SPAG17: variants seen among roughly 807,000 people sequenced by gnomAD.
SPAG17 encodes sperm-associated antigen 17.
In SPAG17, 169 loss-of-function variants were observed where a neutral mutation model predicts 273.6. That is an observed-to-expected ratio of 0.62 (90% CI 0.55 to 0.70). The LOEUF is 0.70. Among genes scored for constraint, SPAG17 ranks in the 30% least tolerant of loss-of-function variants. SPAG17 has a pLI of 0.00. For missense variants in SPAG17, 2,557 were observed against 2,627.8 expected (o/e 0.97, Z 0.59); for synonymous variants, 825 against 873.2 (o/e 0.94, Z 0.97).
At chr1:118,046,494 A>G (rs1202428320) in intron 20 of SPAG17, among the ~76,000 whole-genome samples, 1 of 152,110 alleles carries the variant, frequency 6.6e-6, no homozygotes. Flanking sequence ...AAAATATTTC[A>G]TTAAGTTTAG....
intron 28 of SPAG17, among the ~76,000 whole-genome samples, chr1:118,016,538 A>G (rs1287803698): frequency 6.6e-6 from 1 of 152,100 alleles, no homozygotes; most frequent in African/African-American, 2.4e-5. Flanking sequence ...CTGGTTTTTA[A>G]AGCCTACCTT....
intron 28 of SPAG17, among the ~76,000 whole-genome samples, chr1:118,020,250 C>T (rs2101825117): frequency 6.6e-6 from 1 of 152,196 alleles, no homozygotes; most frequent in East Asian, 1.9e-4. Context: ...GAAACCCTGT[C>T]TCTACTAAAA....
At chr1:118,153,987 C>A (rs1383633037) in intron 1 of SPAG17, among the ~76,000 whole-genome samples, 1 of 152,274 alleles carries the variant, frequency 6.6e-6, no homozygotes, top group Non-Finnish European at 1.5e-5. Context: ...TTCTCTCAAG[C>A]GCAAAGCTCT....
chr1:118,056,830 C>G (rs1000517514), intron 18 of SPAG17, among the ~76,000 whole-genome samples: 1 of 152,124 alleles, frequency 6.6e-6, no homozygotes, highest in Non-Finnish European at 1.5e-5. Flanking sequence ...ATCTCAAACT[C>G]AACATGTCCC....
Position 118,081,087 on chromosome 1 carries a change from A to G in SPAG17, c.2209+14T>C. 7.2e-7 allele frequency: 1 copy of G among 1,395,836 alleles called. No individual in the cohort carries two copies. Among genetic ancestry groups the G allele is most frequent in the Non-Finnish European group, 1.0e-6 (1 of 990,432 alleles). The allele number at this position is 1,395,836 out of a possible 1,614,324, so 86.5% of individuals were successfully genotyped here. On this transcript the variant is annotated intron_variant, in intron 15 of 48. Transcript: ENST00000336338. ...CACACACACACACACACACACACAC[A>G]CACTTTAACTTACCCAGAGACTCAT...
chr1:118,138,035 A>G (rs371855999), intron 3 of SPAG17, among the ~76,000 whole-genome samples: 23 of 152,222 alleles, frequency 1.5e-4, no homozygotes, highest in African/African-American at 5.5e-4. Flanking sequence ...ATCTTTGACT[A>G]TTTGGGTAAG....
At position 117,994,442 on chromosome 1, in the gene SPAG17, G is replaced by A. The variant is rs1657438484; in HGVS notation, c.5142C>T (p.Leu1714=). Residue 1714 remains leucine, a synonymous_variant, in exon 35 of 49, where the codon CTC becomes CTT. Transcript: ENST00000336338. ...KKEDTIVPPN[L]RSRSWETFPS... ...GAAATGTTTCCCATGACCTTGACCG[G>A]AGATTAGGAGGGACAATTGTATCTT... 2 of 1,612,706 alleles carry A rather than the reference G, an allele frequency of 1.2e-6. No homozygotes were observed. The highest frequency in any genetic ancestry group is 1.7e-6 in the Non-Finnish European group (2 of 1,179,184).
At chr1:117,960,957 TC>T (rs1319449781) in intron 48 of SPAG17, 1 of 152,240 alleles carries the variant, frequency 6.6e-6, no homozygotes, top group Non-Finnish European at 1.5e-5. Flanking sequence ...TCTCATTGTT[TC>T]AGATCTCCAA....
intron 38 of SPAG17, 66 bp from the exon 39 acceptor site, chr1:117,988,270 C>T: frequency 8.5e-7 from 1 of 1,174,820 alleles, no homozygotes; most frequent in Non-Finnish European, 1.2e-6. Flanking sequence ...AATCAGTACA[C>T]AATTACTCAT....
At chr1:118,058,191 TA>T (rs993447948) in intron 18 of SPAG17, among the ~76,000 whole-genome samples, 2 of 152,216 alleles carry the variant, frequency 1.3e-5, no homozygotes, top group African/African-American at 2.4e-5. Flanking sequence ...TCAGAGTAAC[TA>T]AAAAAATGCA....
intron 45 of SPAG17, among the ~76,000 whole-genome samples, chr1:117,970,542 G>A (rs960880072): frequency 2.6e-5 from 4 of 152,224 alleles, no homozygotes; most frequent in Non-Finnish European, 5.9e-5. Flanking sequence ...TTGGTATGGG[G>A]TTTGCATGTT....
chr1:118,080,619 A>G (rs892865131), intron 15 of SPAG17, among the ~76,000 whole-genome samples: 5 of 152,228 alleles, frequency 3.3e-5, no homozygotes, highest in Non-Finnish European at 5.9e-5. Flanking sequence ...GTATAAATTT[A>G]GACCAATATC....
chr1:118,116,632 T>G (rs1657096310), intron 3 of SPAG17, among the ~76,000 whole-genome samples: 1 of 152,308 alleles, frequency 6.6e-6, no homozygotes, highest in Admixed American at 6.5e-5. Flanking sequence ...GGTACCTATT[T>G]TCTTCTAACT....
intron 3 of SPAG17, among the ~76,000 whole-genome samples, chr1:118,133,282 C>T (rs190837012): frequency 3.3e-5 from 5 of 151,730 alleles, no homozygotes; most frequent in East Asian, 3.9e-4. Flanking sequence ...CTGGGTGGGT[C>T]GCGAGGGGGC....
intron 29 of SPAG17, among the ~76,000 whole-genome samples, chr1:118,015,142 G>T (rs146047991): frequency 6.6e-6 from 1 of 151,900 alleles, no homozygotes; most frequent in Non-Finnish European, 1.5e-5. Flanking sequence ...AAAATTAGCC[G>T]GGCGTGGTGG....
At chr1:117,972,998 A>G (rs1164354105) in intron 44 of SPAG17, among the ~76,000 whole-genome samples, 2 of 152,224 alleles carry the variant, frequency 1.3e-5, no homozygotes, top group Non-Finnish European at 2.9e-5. Context: ...ATTTTATCCT[A>G]AGAGTCATGG....
chr1:118,135,734 T>C (rs1310313434), intron 3 of SPAG17, among the ~76,000 whole-genome samples: 4 of 152,194 alleles, frequency 2.6e-5, no homozygotes, highest in Admixed American at 2.0e-4. Flanking sequence ...GCCAAATGTG[T>C]GTGAGCAGAG....
chr1:118,064,814 G>A (rs2102051947), intron 18 of SPAG17, among the ~76,000 whole-genome samples: 1 of 151,730 alleles, frequency 6.6e-6, no homozygotes, highest in South Asian at 2.1e-4. Flanking sequence ...GATACTTTGA[G>A]GTGTTGCTAA....
chr1:118,017,343 G>A (rs1035415785), intron 28 of SPAG17, among the ~76,000 whole-genome samples: 2 of 151,988 alleles, frequency 1.3e-5, no homozygotes, highest in Admixed American at 6.6e-5. Context: ...GCTATGGAAA[G>A]GGCATTCCAA....
Sources: allele counts gnomAD v4.1 joint callset (sites outside exome capture counted in the v4.1 genomes callset), GRCh38; gene constraint gnomAD v4.1.1; transcripts MANE v1.5; gene names NCBI Gene and HGNC (gene_info 2026-07-23, HGNC 2026-07-21).